The following MTUS1 variants were observed in gnomAD, a reference collection of about 807,000 sequenced individuals.
MTUS1 encodes the protein microtubule-associated tumor suppressor 1.
MTUS1 carries 109 observed loss-of-function variants against 120.8 expected under a neutral mutation model. The observed-to-expected ratio is 0.90, with a 90% CI of 0.77 to 1.06. The LOEUF (loss-of-function observed/expected upper bound fraction) is 1.06. MTUS1 is among the 50% of genes least tolerant of loss of function. The pLI is 0.00. For missense variants in MTUS1, 2,210 were observed against 1,486.3 expected, an observed-to-expected ratio of 1.49 and a Z score of -8.01; for synonymous variants, 737 against 550.5, an observed-to-expected ratio of 1.34 and a Z score of -4.74.
chr8:17,785,923 T>A (rs1436380795), intron 1 of MTUS1, among the ~76,000 whole-genome samples: 1 of 152,018 alleles, frequency 6.6e-6, no homozygotes, highest in African/African-American at 2.4e-5. Flanking sequence ...AACAAGAGAA[T>A]CTATTGAACC....
chr8:17,706,511 A>G (rs1820192377), intron 6 of MTUS1, among the ~76,000 whole-genome samples: 1 of 152,258 alleles, frequency 6.6e-6, no homozygotes, highest in African/African-American at 2.4e-5. Context: ...CTATTATGTT[A>G]GTCAAAAAAA....
At chr8:17,653,349 GA>G in intron 11 of MTUS1, 68 bp from the exon 12 acceptor site, 1 of 1,512,238 alleles carries the variant, frequency 6.6e-7, no homozygotes, top group Non-Finnish European at 9.0e-7. Flanking sequence ...TACGTACACA[GA>G]AACATTAAAA....
intron 3 of MTUS1, among the ~76,000 whole-genome samples, chr8:17,736,292 G>A (rs2046921538): frequency 6.6e-6 from 1 of 152,228 alleles, no homozygotes; most frequent in African/African-American, 2.4e-5. Context: ...GCAGGCACCT[G>A]CATGGCCCTG....
intron 1 of MTUS1, among the ~76,000 whole-genome samples, chr8:17,779,153 G>T (rs140948136): frequency 6.6e-6 from 1 of 152,174 alleles, no homozygotes; most frequent in Non-Finnish European, 1.5e-5. Flanking sequence ...GGCAGAGACT[G>T]GAAAGGTTTC....
At chr8:17,718,008 C>T (rs902872039) in intron 4 of MTUS1, among the ~76,000 whole-genome samples, 3 of 152,160 alleles carry the variant, frequency 2.0e-5, no homozygotes, top group South Asian at 2.1e-4. Context: ...CTATGATCAA[C>T]GATTGTACCT....
rs1192746407 is a variant in MTUS1, at chr8:17,644,409, A to G, written c.*1517T>C. ...ACAGCCACTGAATGTAGATTAGTAA[A>G]TACTGACATCACAATGTTGACACAT... On this transcript the variant is annotated 3_prime_UTR_variant, in exon 15 of 15. Transcript: ENST00000693296. 1.3e-5 allele frequency: 2 copies of G among 152,602 alleles called. No individual in the cohort carries two copies. The highest frequency in any genetic ancestry group is 2.9e-5 in the Non-Finnish European group (2 of 68,034). 9.5% of individuals were successfully genotyped at this position (152,602 alleles called of 1,614,324 possible). A position where few individuals can be genotyped will look rare whatever the true frequency, so the allele number is the denominator to read the frequency against.
intron 1 of MTUS1, among the ~76,000 whole-genome samples, chr8:17,759,644 A>T (rs1212655813): frequency 2.2e-5 from 2 of 92,064 alleles, no homozygotes; most frequent in Non-Finnish European, 4.8e-5. Flanking sequence ...ATTTATATAT[A>T]AAAATACGTA....
At chr8:17,713,003 A>G (rs973179212) in intron 6 of MTUS1, among the ~76,000 whole-genome samples, 16 of 152,206 alleles carry the variant, frequency 1.1e-4, no homozygotes, top group African/African-American at 3.9e-4. Flanking sequence ...ATAACTATCT[A>G]TTAGTAATAC....
intron 1 of MTUS1, among the ~76,000 whole-genome samples, chr8:17,783,171 T>C (rs62498380): frequency 0.03 from 4,586 of 152,334 alleles, 106 homozygotes; most frequent in Non-Finnish European, 0.044. Flanking sequence ...GGCTTGACTC[T>C]GAGCTACAGC....
At position 17,676,068 on chromosome 8, in the gene MTUS1, T is replaced by C. The variant is rs1813038871; in HGVS notation, c.2839-816A>G. ...AGTAACTAAAAAAAAAATGAAGAAT[T>C]TCAAAGCTCGCTGAAAAATGCCCTC... On this transcript the variant is annotated intron_variant, in intron 7 of 14. Coordinates refer to ENST00000693296, the MANE Select transcript of MTUS1 (RefSeq NM_001363059.2). 27 of 571,704 alleles carry C rather than the reference T, an allele frequency of 4.7e-5. No homozygotes were observed. The South Asian group carries it at 6.2e-4, about 13-fold the overall frequency. 35.4% of individuals were successfully genotyped at this position (571,704 alleles called of 1,614,324 possible). A position where few individuals can be genotyped will look rare whatever the true frequency, so the allele number is the denominator to read the frequency against.
chr8:17,661,751 G>A (rs570897721), intron 8 of MTUS1, among the ~76,000 whole-genome samples: 2 of 152,150 alleles, frequency 1.3e-5, no homozygotes, highest in Non-Finnish European at 2.9e-5. Context: ...TGGGGGAACA[G>A]GAGGTTCACT....
chr8:17,705,672 C>T (rs1425732374), intron 6 of MTUS1: 4 of 152,274 alleles, frequency 2.6e-5, no homozygotes, highest in African/African-American at 9.6e-5. Context: ...GCCTCGGCAT[C>T]ACCTCATCAG....
At chr8:17,651,744 C>T (rs1051903931) in intron 12 of MTUS1, 1 of 152,116 alleles carries the variant, frequency 6.6e-6, no homozygotes, top group Non-Finnish European at 1.5e-5. Flanking sequence ...GTGACAGAAG[C>T]GGTTGGATGC....
intron 4 of MTUS1, chr8:17,721,924 A>C: frequency 6.2e-7 from 1 of 1,603,950 alleles, no homozygotes; most frequent in Non-Finnish European, 8.5e-7. Flanking sequence ...AAGCAAGCTT[A>C]AGCAGGAAAA....
chr8:17,657,027 C>G (rs1314337210), intron 8 of MTUS1, among the ~76,000 whole-genome samples: 1 of 139,394 alleles, frequency 7.2e-6, no homozygotes, highest in Non-Finnish European at 1.5e-5. Flanking sequence ...CCACTGCACT[C>G]CAGCCTGGGC....
intron 8 of MTUS1, among the ~76,000 whole-genome samples, chr8:17,660,605 G>A (rs1244404965): frequency 6.6e-6 from 1 of 152,084 alleles, no homozygotes; most frequent in African/African-American, 2.4e-5. Context: ...GAAGGACTAT[G>A]GTACTCTTTT....
At chr8:17,781,993 C>A (rs1225443180) in intron 1 of MTUS1, among the ~76,000 whole-genome samples, 3 of 152,226 alleles carry the variant, frequency 2.0e-5, no homozygotes, top group Admixed American at 2.0e-4. Context: ...CCAAGGACAG[C>A]GCCCTCTAAC....
chr8:17,793,936 C>T (rs1002202707), intron 1 of MTUS1, among the ~76,000 whole-genome samples: 28 of 152,196 alleles, frequency 1.8e-4, no homozygotes, highest in African/African-American at 6.5e-4. Context: ...ATTGGGGTTT[C>T]TCTGACTCCT....
At chr8:17,773,942 T>G (rs565803917) in intron 1 of MTUS1, among the ~76,000 whole-genome samples, 1 of 152,074 alleles carries the variant, frequency 6.6e-6, no homozygotes, top group African/African-American at 2.4e-5. Context: ...AAAATAAGAC[T>G]AGGAGGCACA....
Sources: gnomAD v4.1 joint callset for allele counts (sites outside exome capture counted in the v4.1 genomes callset) on GRCh38, gnomAD v4.1.1 for gene constraint, MANE v1.5 for transcripts, NCBI Gene and HGNC (gene_info 2026-07-23, HGNC 2026-07-21) for gene names.